HS1BP3: variants seen among roughly 807,000 people sequenced by gnomAD.
The protein encoded by HS1BP3 is HCLS1 binding protein 3, also known as HCLS1-binding protein 3.
HS1BP3 carries 32 observed loss-of-function variants against 33.5 expected under a neutral mutation model. The ratio of observed to expected loss-of-function variants is 0.95; its 90% CI spans 0.72 to 1.28. The LOEUF (loss-of-function observed/expected upper bound fraction) is 1.28, where lower values mean the gene tolerates loss of function less well. HS1BP3 is among the 50% of genes most tolerant of loss of function. HS1BP3 has a pLI of 0.00. For synonymous variants in HS1BP3, 187 were observed against 209.2 expected (o/e 0.89, Z 0.92); for missense variants, 486 against 502.3 (o/e 0.97, Z 0.31).
chr2:20,586,151 C>T (rs1252653827), intron 5 of HS1BP3: 1 of 152,290 alleles, frequency 6.6e-6, no homozygotes, highest in African/African-American at 2.4e-5. Flanking sequence ...CAAGGCACCT[C>T]CTCCTCCCAG....
chr2:20,567,595 C>A (rs1244754837), intron 5 of HS1BP3, among the ~76,000 whole-genome samples: 1 of 152,194 alleles, frequency 6.6e-6, no homozygotes, highest in African/African-American at 2.4e-5. Context: ...CTACTTCCCC[C>A]CCAGACACAG....
chr2:20,602,635 G>A (rs1694094827), intron 2 of HS1BP3, among the ~76,000 whole-genome samples: 1 of 151,788 alleles, frequency 6.6e-6, no homozygotes, highest in Admixed American at 6.6e-5. Context: ...GACTGTTTTG[G>A]TATGGTCAAA....
chr2:20,597,813 AC>A (rs1693977707), intron 3 of HS1BP3, among the ~76,000 whole-genome samples: 1 of 152,214 alleles, frequency 6.6e-6, no homozygotes, highest in African/African-American at 2.4e-5. Context: ...AGGAAAGAAG[AC>A]CTGCTTCCTG....
downstream of HS1BP3, chr2:20,591,286 A>G (rs879594856): frequency 2.4e-5 from 4 of 167,168 alleles, no homozygotes; most frequent in Non-Finnish European, 5.9e-5. Context: ...TTCCCAGGCA[A>G]GAACAGCCAT....
chr2:20,559,587 GAT>G (rs1472327741), downstream of HS1BP3, among the ~76,000 whole-genome samples: 2 of 151,850 alleles, frequency 1.3e-5, no homozygotes, highest in Non-Finnish European at 2.9e-5. Context: ...TGCATGGATG[GAT>G]AGGTGGATGA....
chr2:20,580,998 A>G (rs1693520683), intron 5 of HS1BP3, among the ~76,000 whole-genome samples: 1 of 152,240 alleles, frequency 6.6e-6, no homozygotes, highest in Admixed American at 6.5e-5. Flanking sequence ...TGCAGATGCC[A>G]GCTTGTCAGG....
chr2:20,634,749 A>T (rs1695069566), intron 4 of HS1BP3: 1 of 152,262 alleles, frequency 6.6e-6, no homozygotes, highest in African/African-American at 2.4e-5. Context: ...TATTATTTTT[A>T]TACTAAAATA....
chr2:20,612,061 C>G (rs1694329212), intron 2 of HS1BP3, among the ~76,000 whole-genome samples: 3 of 152,194 alleles, frequency 2.0e-5, no homozygotes, highest in Admixed American at 2.0e-4. Context: ...TACTATGCAT[C>G]AGGTATTGTT....
At chr2:20,643,834 G>T (rs558664400) in intron 2 of HS1BP3, among the ~76,000 whole-genome samples, 1 of 152,324 alleles carries the variant, frequency 6.6e-6, no homozygotes, top group East Asian at 1.9e-4. Context: ...TTAGGAGGCT[G>T]AGGCAGGAGG....
chr2:20,564,339 C>T (rs961875031), intron 5 of HS1BP3, among the ~76,000 whole-genome samples: 10 of 152,362 alleles, frequency 6.6e-5, no homozygotes, highest in Admixed American at 2.0e-4. Flanking sequence ...AAGCTGCCTC[C>T]GTGGCCCCAG....
At chr2:20,609,743 G>C (rs1694276469) in intron 2 of HS1BP3, among the ~76,000 whole-genome samples, 1 of 152,240 alleles carries the variant, frequency 6.6e-6, no homozygotes, top group South Asian at 2.1e-4. Context: ...ACAAAGGCCA[G>C]TTGGTGCCAG....
At chr2:20,644,079 T>C (rs1221229348) in intron 2 of HS1BP3, among the ~76,000 whole-genome samples, 1 of 152,242 alleles carries the variant, frequency 6.6e-6, no homozygotes, top group Non-Finnish European at 1.5e-5. Flanking sequence ...CTCCCTGCTG[T>C]ACTTCGGGGT....
At chr2:20,637,044 C>G (rs1490880760) in intron 4 of HS1BP3, 2 of 150,982 alleles carry the variant, frequency 1.3e-5, no homozygotes, top group Non-Finnish European at 3.0e-5. Flanking sequence ...GCCCCCCCCG[C>G]CCCGCCAAGG....
intron 3 of HS1BP3, among the ~76,000 whole-genome samples, chr2:20,595,815 C>A (rs1055400183): frequency 6.6e-6 from 1 of 152,206 alleles, no homozygotes; most frequent in Non-Finnish European, 1.5e-5. Flanking sequence ...CCATCCATCA[C>A]GGCCCATCAG....
chr2:20,563,896 G>A (rs1032773541), intron 5 of HS1BP3, among the ~76,000 whole-genome samples: 5 of 152,180 alleles, frequency 3.3e-5, no homozygotes, highest in African/African-American at 1.2e-4. Context: ...GACCCCAAGG[G>A]GTTTTCTGCT....
intron 6 of HS1BP3, chr2:20,622,123 C>T (rs1380694145): frequency 5.8e-6 from 7 of 1,199,050 alleles, no homozygotes; most frequent in Non-Finnish European, 6.5e-6. Flanking sequence ...ACACCCCACG[C>T]GGCCTCAGGG....
intron 2 of HS1BP3, among the ~76,000 whole-genome samples, chr2:20,612,161 A>G (rs919014862): frequency 1.3e-5 from 2 of 152,184 alleles, no homozygotes; most frequent in Admixed American, 1.3e-4. Context: ...AGAGGAGGAA[A>G]TTGGGGCACA....
chr2:20,589,873 G>A (rs868029334), downstream of HS1BP3, among the ~76,000 whole-genome samples: 13 of 152,042 alleles, frequency 8.6e-5, no homozygotes, highest in African/African-American at 3.1e-4. Flanking sequence ...GCAGTTGAGG[G>A]TTTCCTGCCT....
At chr2:20,597,190 CCTT>C (rs1374427160) in intron 3 of HS1BP3, among the ~76,000 whole-genome samples, 1 of 152,198 alleles carries the variant, frequency 6.6e-6, no homozygotes. Flanking sequence ...CCCTTATTGA[CCTT>C]CTCTCTGAGC....
Sources: gnomAD v4.1 joint callset for allele counts (sites outside exome capture counted in the v4.1 genomes callset) on GRCh38, gnomAD v4.1.1 for gene constraint, MANE v1.5 for transcripts, NCBI Gene and HGNC (gene_info 2026-07-23, HGNC 2026-07-21) for gene names.